CCDC57: variants seen among roughly 807,000 people sequenced by gnomAD.
CCDC57 encodes coiled-coil domain-containing protein 57.
A neutral mutation model predicts 118.9 loss-of-function variants in CCDC57; 118 were observed. The observed-to-expected ratio is 0.99, with a 90% CI of 0.86 to 1.16. The LOEUF (loss-of-function observed/expected upper bound fraction) is 1.16, where lower values mean the gene tolerates loss of function less well. CCDC57 is among the 50% of genes most tolerant of loss of function. The pLI, the probability that CCDC57 is intolerant of heterozygous loss-of-function variation, is 0.00. For missense variants in CCDC57, 1,300 were observed against 1,320.7 expected, an observed-to-expected ratio of 0.98 and a Z score of 0.24; for synonymous variants, 527 against 532.9, an observed-to-expected ratio of 0.99 and a Z score of 0.15.
At chr17:82,150,054 C>T (rs1320979767) in intron 16 of CCDC57, among the ~76,000 whole-genome samples, 1 of 135,646 alleles carries the variant, frequency 7.4e-6, no homozygotes, top group Admixed American at 7.4e-5. Context: ...GACCCCCACC[C>T]AGAACCAGGC....
At chr17:82,142,497 G>A (rs952286590) in intron 16 of CCDC57, among the ~76,000 whole-genome samples, 1 of 152,026 alleles carries the variant, frequency 6.6e-6, no homozygotes, top group African/African-American at 2.4e-5. Flanking sequence ...ATTTTTAGTA[G>A]AGATGGGGAT....
intron 19 of CCDC57, chr17:82,126,687 C>T: frequency 2.0e-6 from 2 of 985,420 alleles, no homozygotes; most frequent in Non-Finnish European, 2.4e-6. Flanking sequence ...GCGATGCTGT[C>T]CACCACACGT....
intron 9 of CCDC57, among the ~76,000 whole-genome samples, chr17:82,182,981 C>T (rs951547114): frequency 5.3e-5 from 8 of 152,168 alleles, no homozygotes; most frequent in African/African-American, 1.9e-4. Flanking sequence ...CCATCACACC[C>T]GGCCCACCAA....
intron 7 of CCDC57, among the ~76,000 whole-genome samples, chr17:82,190,198 TAG>T (rs2047493916): frequency 6.6e-6 from 1 of 152,024 alleles, no homozygotes; most frequent in Non-Finnish European, 1.5e-5. Context: ...TATCCCAGCA[TAG>T]AGTGACTTCT....
chr17:82,212,311 G>A lies in CCDC57; in HGVS notation c.-211+474C>T, dbSNP rs541463228. 1.7e-3 allele frequency among the ~76,000 whole-genome samples: 256 copies of A among 152,136 alleles called. No homozygotes were observed. The highest frequency in any genetic ancestry group is 6.8e-3 in the Middle Eastern group (2 of 294). On this transcript the variant is annotated intron_variant, in intron 1 of 19. Coordinates refer to ENST00000665763, the Ensembl canonical transcript of CCDC57. The surrounding 1 kb of genome is among the most constrained non-coding windows in gnomAD (Gnocchi z 4.1). The stretch of plus-strand genomic sequence containing the variant: ...GTTGGCCAGGCTGGTCTCGAACTCC[G>A]GGCCTCAAGCAATCTGCCCGCCTCT...
At chr17:82,151,910 AAAAG>A in intron 15 of CCDC57, 137 bp from the exon 15 acceptor site, 1 of 679,738 alleles carries the variant, frequency 1.5e-6, no homozygotes, top group Non-Finnish European at 2.4e-6. Flanking sequence ...ACATCCTTCC[AAAAG>A]AAAGACAAAA....
chr17:82,108,783 G>GTGAA (rs1407536338), intron 19 of CCDC57: 1 of 152,238 alleles, frequency 6.6e-6, no homozygotes, highest in Non-Finnish European at 1.5e-5. Flanking sequence ...TGACCAGAGA[G>GTGAA]TGAAGCGTTT....
At chr17:82,151,923 A>C in intron 15 of CCDC57, 150 bp from the exon 15 acceptor site, 4 of 643,480 alleles carry the variant, frequency 6.2e-6, no homozygotes, top group Non-Finnish European at 1.1e-5. Flanking sequence ...AGAAAGACAA[A>C]AAGAGTCGCT....
At position 82,195,218 on chromosome 17, in the gene CCDC57, G is replaced by A. The variant is rs1286536392; in HGVS notation, c.618+45C>T. The A allele has an allele frequency of 2.7e-6, 4 of 1,455,002 alleles. No homozygotes were observed. The East Asian group carries it at 9.8e-5, about 36-fold the overall frequency. 90.1% of individuals were successfully genotyped at this position (1,455,002 alleles called of 1,614,324 possible). On this transcript the variant is annotated intron_variant, in intron 5 of 19. Transcript: ENST00000665763. The stretch of plus-strand genomic sequence containing the variant: ...GGTGTGAGCCACCACACCTGACCAA[G>A]GAAAAACCGAAAAACCTTCACGACC...
intron 19 of CCDC57, among the ~76,000 whole-genome samples, chr17:82,117,621 C>T (rs998407644): frequency 6.6e-5 from 10 of 152,066 alleles, no homozygotes; most frequent in Admixed American, 2.0e-4. Flanking sequence ...CGGCACTACA[C>T]TCCAGCCTGG....
chr17:82,194,627 AG>A (rs1599376238), intron 5 of CCDC57, among the ~76,000 whole-genome samples: 1 of 152,266 alleles, frequency 6.6e-6, no homozygotes, highest in Non-Finnish European at 1.5e-5. Context: ...ACCCCCTGAC[AG>A]CACTCAGTAC....
At chr17:82,155,413 C>T (rs1217980971) in intron 15 of CCDC57, 1 of 152,318 alleles carries the variant, frequency 6.6e-6, no homozygotes, top group African/African-American at 2.4e-5. Flanking sequence ...TTGTGGTCTT[C>T]AACGTCACTG....
exon 4 of CCDC57, chr17:82,198,352 G>C (rs761077934): frequency 4.3e-6 from 7 of 1,613,606 alleles, no homozygotes; most frequent in South Asian, 1.1e-5. Flanking sequence ...AGCTCCTCAA[G>C]TTTTCTCTCC....
intron 1 of CCDC57, among the ~76,000 whole-genome samples, chr17:82,208,448 G>A (rs1568508070): frequency 6.6e-6 from 1 of 151,780 alleles, no homozygotes; most frequent in African/African-American, 2.4e-5. Flanking sequence ...GTAGAGATGG[G>A]GTTTCACCAT....
chr17:82,195,482 C>G, intron 4 of CCDC57, 118 bp from the exon 4 acceptor site: 1 of 770,420 alleles, frequency 1.3e-6, no homozygotes, highest in Non-Finnish European at 2.2e-6. Context: ...AGAGAAGGAC[C>G]ACACACACTG....
At chr17:82,127,336 G>A (rs931447137) in intron 19 of CCDC57, 34 of 984,032 alleles carry the variant, frequency 3.5e-5, no homozygotes, top group African/African-American at 5.3e-5. Context: ...CAATGCCCAC[G>A]CGTCTCACCT....
In CCDC57 at chr17:82,118,659, G is replaced by C. The variant is rs753378185; in HGVS notation, c.2899+9033C>G. On this transcript the variant is annotated intron_variant, in intron 19 of 19. Transcript: ENST00000665763. This position sits in a 1 kb window ranked among gnomAD's most constrained non-coding sequence, Gnocchi z 4.7. ...CAGGTATTTCTTTGGGGTGAGGTCA[G>C]ACATCTGCCTGGGTGCTTCTCTGGA... Among the ~76,000 whole-genome samples, 1 of 152,130 alleles carries C rather than the reference G, an allele frequency of 6.6e-6. No homozygotes were observed. The highest frequency in any genetic ancestry group is 1.5e-5 in the Non-Finnish European group (1 of 68,024).
chr17:82,175,331 C>T (rs1599157676), intron 11 of CCDC57, among the ~76,000 whole-genome samples: 2 of 152,244 alleles, frequency 1.3e-5, no homozygotes, highest in Non-Finnish European at 2.9e-5. Context: ...CCTGGCCTCA[C>T]TGGCTGAGCA....
intron 19 of CCDC57, among the ~76,000 whole-genome samples, chr17:82,109,791 A>G (rs1219343068): frequency 1.3e-5 from 2 of 151,980 alleles, no homozygotes; most frequent in Admixed American, 6.5e-5. Context: ...TGGGAGGCGG[A>G]GCTTGCAGTG....
Sources: gnomAD v4.1 joint callset for allele counts (sites outside exome capture counted in the v4.1 genomes callset) on GRCh38, gnomAD v4.1.1 for gene constraint, Gnocchi (gnomAD v3.1) non-coding constraint, MANE v1.5 for transcripts, NCBI Gene and HGNC (gene_info 2026-07-23, HGNC 2026-07-21) for gene names.